The following CBL variants were observed in gnomAD, a reference collection of about 807,000 sequenced individuals.
CBL encodes E3 ubiquitin-protein ligase CBL.
Under a neutral mutation model 96.9 loss-of-function variants are expected in CBL, and 45 were observed. That is an observed-to-expected ratio of 0.46 (90% CI 0.37 to 0.60). CBL has a LOEUF of 0.60. Ranked by LOEUF, CBL falls within the 20% of genes least tolerant of loss-of-function variation. The pLI is 0.00. For synonymous variants in CBL, 420 were observed against 426.8 expected, an observed-to-expected ratio of 0.98 and a Z score of 0.20; for missense variants, 1,024 against 1,143.5, an observed-to-expected ratio of 0.90 and a Z score of 1.51.
At chr11:119,251,569 C>T (rs945555236) in intron 2 of CBL, among the ~76,000 whole-genome samples, 1 of 152,070 alleles carries the variant, frequency 6.6e-6, no homozygotes, top group South Asian at 2.1e-4. Context: ...TCTTAATAAC[C>T]TAATAACCAT....
intron 1 of CBL, among the ~76,000 whole-genome samples, chr11:119,219,041 A>G (rs1200548857): frequency 1.3e-5 from 2 of 152,026 alleles, no homozygotes; most frequent in Non-Finnish European, 2.9e-5. Flanking sequence ...ATGTGGTGAA[A>G]CCCTTCTTTA....
At position 119,264,475 on chromosome 11, in the gene CBL, C is replaced by T. The variant is rs28375054; in HGVS notation, c.444-7260C>T. On this transcript the variant is annotated intron_variant, in intron 2 of 15. Transcript: ENST00000264033. ...CTCTTCTCTTCTCTTTTCTTCTTTT[C>T]TCTTTTCTTTTCTTTTCTTTTTTTG... is the stretch of plus-strand genomic sequence containing the variant. Among the ~76,000 whole-genome samples the T allele has an allele frequency of 1.3e-4, 19 of 145,024 alleles. No individual in the cohort carries two copies. In the East Asian group the frequency reaches 3.2e-3, roughly 25 times the overall value.
intron 9 of CBL, among the ~76,000 whole-genome samples, chr11:119,282,365 G>A (rs1046153570): frequency 7.9e-5 from 12 of 151,692 alleles, no homozygotes; most frequent in Non-Finnish European, 1.6e-4. Context: ...ACTATTGCAA[G>A]GATCCATTAT....
intron 4 of CBL, 101 bp from the exon 5 acceptor site, chr11:119,274,731 C>A (rs2135300015): frequency 9.0e-7 from 1 of 1,116,492 alleles, no homozygotes. Flanking sequence ...AAATTTCTGA[C>A]AATGAACTGA....
intron 2 of CBL, among the ~76,000 whole-genome samples, chr11:119,262,210 TA>T (rs1297718615): frequency 1.3e-5 from 2 of 152,182 alleles, no homozygotes; most frequent in African/African-American, 4.8e-5. Context: ...AGACATCCTT[TA>T]AAATACTTGA....
chr11:119,279,492 T>TAAA (rs36040058), intron 9 of CBL, among the ~76,000 whole-genome samples: 4 of 148,140 alleles, frequency 2.7e-5, no homozygotes, highest in African/African-American at 9.9e-5. Flanking sequence ...TGCCCCCCCC[T>TAAA]AAAAAAAAAA....
chr11:119,301,692 G>A lies in CBL; in HGVS notation c.*1911G>A, dbSNP rs1950102725. The A allele has an allele frequency of 4.3e-6, 1 of 233,256 alleles. No homozygotes were observed. The highest frequency in any genetic ancestry group is 2.2e-5 in the African/African-American group (1 of 45,444). 14.4% of individuals were successfully genotyped at this position (233,256 alleles called of 1,614,324 possible). The stretch of plus-strand genomic sequence containing the variant: ...TGTTGATTTGCTGTGGTTACCCAGT[G>A]TCTTCTCTACATGGCATAAAGCGGC... On this transcript the variant is annotated 3_prime_UTR_variant, in exon 16 of 16. Coordinates refer to ENST00000264033, the MANE Select transcript of CBL (RefSeq NM_005188.4).
At position 119,274,816 on chromosome 11, in the gene CBL, G is replaced by C. The variant is rs200533967; in HGVS notation, c.748-16G>C. 3.2e-6 allele frequency: 5 copies of C among 1,564,142 alleles called. No individual in the cohort carries two copies. Among genetic ancestry groups the C allele is most frequent in the Non-Finnish European group, 4.3e-6 (5 of 1,150,154 alleles). The stretch of plus-strand genomic sequence containing the variant: ...CATCTGACCTGAATAGTCTGTGATT[G>C]ATCTTGTTTCTTTAGCCCTGGTCCT... On this transcript the variant is annotated splice_polypyrimidine_tract_variant and intron_variant, in intron 4 of 15. Transcript: ENST00000264033.
chr11:119,278,827 T>G, intron 9 of CBL, 114 bp downstream of exon 9: 1 of 802,444 alleles, frequency 1.2e-6, no homozygotes, highest in Non-Finnish European at 2.1e-6. Flanking sequence ...AGCTAATATT[T>G]ATTGAGCATT....
chr11:119,283,593 T>C (rs1173163911), intron 9 of CBL, among the ~76,000 whole-genome samples: 1 of 150,862 alleles, frequency 6.6e-6, no homozygotes, highest in Non-Finnish European at 1.5e-5. Context: ...GAGCTCAAAT[T>C]GACAGAAAAT....
rs528126473 is a variant in CBL at position 119,307,745 on chromosome 11, C to T, written c.*7964C>T. 1.4e-5 allele frequency: 3 copies of T among 220,938 alleles called. No homozygotes were observed. The Admixed American group carries it at 1.7e-4, about 13-fold the overall frequency. 13.7% of individuals were successfully genotyped at this position (220,938 alleles called of 1,614,324 possible). On this transcript the variant is annotated 3_prime_UTR_variant, in exon 16 of 16. Coordinates refer to ENST00000264033, the MANE Select transcript of CBL (RefSeq NM_005188.4). ...TTTTGAAATTCTTAGCCTGGGAGTGCTGGAGAGAACCTGATGCTTTCTCCA... is the reference window on the plus strand; with the variant it reads ...TTTTGAAATTCTTAGCCTGGGAGTGTTGGAGAGAACCTGATGCTTTCTCCA...
At chr11:119,296,864 C>T in intron 12 of CBL, 54 bp from the exon 13 acceptor site, 2 of 907,036 alleles carry the variant, frequency 2.2e-6, no homozygotes, top group Admixed American at 3.5e-5. Flanking sequence ...TTTTATACTT[C>T]AAAGTTTACT....
chr11:119,300,888 TAGAC>T lies in CBL; in HGVS notation c.*1110_*1113del, dbSNP rs1950097463. On this transcript the variant is annotated 3_prime_UTR_variant, in exon 16 of 16. Transcript: ENST00000264033. Reference sequence around the variant, plus strand: ...TCACATGCTATTTAAATGCACAAAATAGACAGTAAGGATTTATCTGTTCAGTTTT... The same window carrying T: ...TCACATGCTATTTAAATGCACAAAATAGTAAGGATTTATCTGTTCAGTTTT... The T allele has an allele frequency of 3.6e-6, 1 of 276,710 alleles. No homozygotes were observed. Among genetic ancestry groups the T allele is most frequent in the Non-Finnish European group, 6.8e-6 (1 of 147,738 alleles). The allele number at this position is 276,710 out of a possible 1,614,324, so 17.1% of individuals were successfully genotyped here.
intron 2 of CBL, among the ~76,000 whole-genome samples, chr11:119,233,401 T>G (rs1001172904): frequency 1.3e-5 from 2 of 152,132 alleles, no homozygotes; most frequent in African/African-American, 4.8e-5. Context: ...GCCTGATTAA[T>G]TTTTGTGTTT....
chr11:119,224,460 A>G (rs1592373689), intron 1 of CBL, among the ~76,000 whole-genome samples: 1 of 152,280 alleles, frequency 6.6e-6, no homozygotes, highest in East Asian at 1.9e-4. Context: ...GTTAACCAGT[A>G]ATAGCCTACT....
chr11:119,271,942 A>C, intron 3 of CBL, 61 bp downstream of exon 3: 3 of 1,487,674 alleles, frequency 2.0e-6, no homozygotes, highest in Non-Finnish European at 2.8e-6. Flanking sequence ...TTTTTTCTTT[A>C]CTTTTTTACT....
In CBL at chr11:119,283,625, C is replaced by CTTT. The variant is rs398017760; in HGVS notation, c.1432-1316_1432-1314dup. ...AAATATTAATCCTTTTTAATTCTTT[C>CTTT]TTTTTTTTTTTTTTTTTTTTTTTTT... On this transcript the variant is annotated intron_variant, in intron 9 of 15. Coordinates refer to ENST00000264033, the MANE Select transcript of CBL (RefSeq NM_005188.4). 5.8e-3 allele frequency among the ~76,000 whole-genome samples: 263 copies of CTTT among 45,570 alleles called. 4 individuals are homozygous for CTTT. Among genetic ancestry groups the CTTT allele is most frequent in the Middle Eastern group, 0.031 (1 of 32 alleles). 29.9% of individuals were successfully genotyped at this position (45,570 alleles called of 152,430 possible). A position where few individuals can be genotyped will look rare whatever the true frequency, so the allele number is the denominator to read the frequency against.
At chr11:119,284,110 T>C (rs1210268862) in intron 9 of CBL, among the ~76,000 whole-genome samples, 3 of 152,048 alleles carry the variant, frequency 2.0e-5, no homozygotes, top group African/African-American at 7.2e-5. Flanking sequence ...CCTCAAGCAA[T>C]CCTCCTGCCT....
chr11:119,234,462 C>A (rs1389211765), intron 2 of CBL, among the ~76,000 whole-genome samples: 1 of 152,160 alleles, frequency 6.6e-6, no homozygotes, highest in African/African-American at 2.4e-5. Flanking sequence ...GCTAACTAGT[C>A]ATTTTGTATT....
Sources: allele counts gnomAD v4.1 joint callset (sites outside exome capture counted in the v4.1 genomes callset), GRCh38; gene constraint gnomAD v4.1.1; transcripts MANE v1.5; gene names NCBI Gene and HGNC (gene_info 2026-07-23, HGNC 2026-07-21).